The following TTLL6 variants were observed in gnomAD, a reference collection of about 807,000 sequenced individuals.
The protein encoded by TTLL6 is tubulin tyrosine ligase like 6.
Under a neutral mutation model 96.4 loss-of-function variants are expected in TTLL6, and 75 were observed. The ratio of observed to expected loss-of-function variants is 0.78; its 90% confidence interval spans 0.65 to 0.94. TTLL6 has a LOEUF of 0.94. Ranked by LOEUF, TTLL6 falls within the 40% of genes least tolerant of loss-of-function variation. The pLI, the probability that TTLL6 is intolerant of heterozygous loss-of-function variation, is 0.00. For missense variants in TTLL6, 1,030 were observed against 1,093.0 expected, an observed-to-expected ratio of 0.94 and a Z score of 0.81; for synonymous variants, 411 against 419.4, an observed-to-expected ratio of 0.98 and a Z score of 0.24.
chr17:48,802,082 GAAAGAAAGAAAGAAAGAAAGAAAGAAA>G (rs2039430798), intron 3 of TTLL6, among the ~76,000 whole-genome samples: 2 of 1,508 alleles, frequency 1.3e-3, no homozygotes, highest in African/African-American at 2.8e-3. Context: ...GAAAGAAAAA[GAAAGAAAGAAAGAAAGAAAGAAAGAAA>G]GAAAGAAAGA....
chr17:48,763,557 G>A (rs2038531140), intron 15 of TTLL6, among the ~76,000 whole-genome samples: 1 of 152,194 alleles, frequency 6.6e-6, no homozygotes, highest in Admixed American at 6.5e-5. Context: ...AGCTCTTTGG[G>A]AGGCTGAGGC....
intron 13 of TTLL6, among the ~76,000 whole-genome samples, chr17:48,781,978 T>G (rs2038995387): frequency 6.6e-6 from 1 of 152,226 alleles, no homozygotes; most frequent in Admixed American, 6.5e-5. Context: ...CCTCCAGAAC[T>G]GTAAGAAATA....
At position 48,801,331 on chromosome 17, in the gene TTLL6, T is replaced by C; in HGVS notation, c.535A>G (p.Arg179Gly). The C allele has an allele frequency of 6.4e-7, 1 of 1,551,672 alleles. No homozygotes were observed. Among genetic ancestry groups the C allele is most frequent in the East Asian group, 2.4e-5 (1 of 40,922 alleles). ...SEICRKDLLARNMSRMLKMFP... is the reference protein window; with the variant it reads ...SEICRKDLLAGNMSRMLKMFP... ...ATCTTTAACATGCGGCTCATGTTCC[T>C]GGCCAGCAAGTCCTTCCGGCAGATT... The change falls in exon 5 of 16, where the codon AGG (arginine) becomes GGG (glycine). Residue 179 changes from arginine (R) to glycine (G), a missense_variant. Coordinates refer to ENST00000393382, the MANE Select transcript of TTLL6 (RefSeq NM_001130918.3).
At chr17:48,809,390 C>T (rs543556891) in intron 1 of TTLL6, among the ~76,000 whole-genome samples, 2 of 152,314 alleles carry the variant, frequency 1.3e-5, no homozygotes, top group Admixed American at 1.3e-4. Flanking sequence ...TCCGCAACGG[C>T]TCCTATGTAC....
intron 1 of TTLL6, among the ~76,000 whole-genome samples, chr17:48,810,173 A>G (rs1342040045): frequency 4.6e-5 from 7 of 151,922 alleles, no homozygotes; most frequent in Non-Finnish European, 1.0e-4. Context: ...AAGAAAAGAA[A>G]AAAAAGGTCA....
In TTLL6 at chr17:48,790,059, C is replaced by T; in HGVS notation, c.1272G>A (p.Glu424=). The T allele has an allele frequency of 6.2e-7, 1 of 1,614,170 alleles. No homozygotes were observed. Among genetic ancestry groups the T allele is most frequent in the African/African-American group, 1.3e-5 (1 of 75,048 alleles). The change falls in exon 10 of 16, where the codon GAG becomes GAA. Residue 424 remains glutamate (E), a synonymous_variant. Coordinates refer to ENST00000393382, the MANE Select transcript of TTLL6 (RefSeq NM_001130918.3). ...TGTCATACAGCAGACCATCTTTCAC[C>T]TCTTTATCCAACCGAGAGTCGGTGG... ...SFSTDSRLDK[E]VKDGLLYDTL...
rs566703882 is a variant in TTLL6, at chr17:48,769,780, G to A, written c.2358C>T (p.Leu786=). Residue 786 remains leucine, a synonymous_variant, in exon 14 of 16, where the codon CTC becomes CTT. Transcript: ENST00000393382. ...GGTTGTAGTGAGCTGGGAAGAAGGA[G>A]AGCTTCCCACTCAGTTGAAGCTTGG... The part of the protein sequence containing the change: ...LLTKLQLSGK[L]SFFPAHYNPK... 4 of 1,614,248 alleles carry A rather than the reference G, an allele frequency of 2.5e-6. No individual in the cohort carries two copies. Among genetic ancestry groups the A allele is most frequent in the South Asian group, 1.1e-5 (1 of 91,090 alleles).
intron 1 of TTLL6, among the ~76,000 whole-genome samples, chr17:48,810,139 C>CAAA (rs59291777): frequency 3.2e-5 from 2 of 61,678 alleles, no homozygotes; most frequent in Admixed American, 1.8e-4. Context: ...AACTCTGTCT[C>CAAA]AAAAAAAAAA....
rs949838617 is a variant in TTLL6 at position 48,786,221 on chromosome 17, C to G, written c.1704G>C (p.Arg568Ser). 6.2e-7 allele frequency: 1 copy of G among 1,614,204 alleles called. No individual in the cohort carries two copies. Among genetic ancestry groups the G allele is most frequent in the African/African-American group, 1.3e-5 (1 of 75,044 alleles). Residue 568 changes from arginine to serine, a missense_variant, in exon 12 of 16, where the codon AGG (arginine) becomes AGC (serine). Coordinates refer to ENST00000393382, the MANE Select transcript of TTLL6 (RefSeq NM_001130918.3). The stretch of plus-strand genomic sequence containing the variant: ...TCTGCTGTTGTTTCTGTTGCCAGCC[C>G]CTCATGCCCTTCTTTCTCACTTGCT... ...AGEQVRKKGMRGWQQKQQQKD... is the reference protein window; with the variant it reads ...AGEQVRKKGMSGWQQKQQQKD...
chr17:48,776,447 G>C (rs1057248052), intron 13 of TTLL6, among the ~76,000 whole-genome samples: 3 of 152,144 alleles, frequency 2.0e-5, no homozygotes, highest in Non-Finnish European at 4.4e-5. Context: ...GTGACAGAGC[G>C]AGACTCTGTC....
chr17:48,774,587 C>T (rs2038834985), intron 13 of TTLL6, among the ~76,000 whole-genome samples: 1 of 151,990 alleles, frequency 6.6e-6, no homozygotes, highest in South Asian at 2.1e-4. Flanking sequence ...TATCACTAGA[C>T]TCTACAGACA....
intron 15 of TTLL6, 69 bp from the exon 16 acceptor site, chr17:48,763,042 C>T (rs1400295584): frequency 7.3e-6 from 3 of 409,870 alleles, no homozygotes; most frequent in African/African-American, 6.3e-5. Flanking sequence ...AGTCAATGAA[C>T]TCATCATCAC....
chr17:48,765,804 C>G (rs1275012625), intron 15 of TTLL6: 1 of 152,820 alleles, frequency 6.5e-6, no homozygotes, highest in African/African-American at 2.4e-5. Flanking sequence ...CTGCCTCAGC[C>G]TCCCCAGTAG....
chr17:48,772,768 A>G (rs2038774789), intron 13 of TTLL6, among the ~76,000 whole-genome samples: 1 of 151,974 alleles, frequency 6.6e-6, no homozygotes, highest in African/African-American at 2.4e-5. Context: ...GTATGCATAC[A>G]AAATTCAAAA....
chr17:48,816,262 G>A (rs1258583988), intron 1 of TTLL6, among the ~76,000 whole-genome samples: 5 of 151,776 alleles, frequency 3.3e-5, no homozygotes, highest in Admixed American at 6.6e-5. Context: ...GGGCAAAAAA[G>A]TGAGCCCCCC....
At position 48,790,063 on chromosome 17, in the gene TTLL6, T is replaced by A. The variant is rs1439687630; in HGVS notation, c.1268A>T (p.Lys423Ile). ...PSFSTDSRLDKEVKDGLLYDT... is the reference protein window; with the variant it reads ...PSFSTDSRLDIEVKDGLLYDT... ...ATACAGCAGACCATCTTTCACCTCT[T>A]TATCCAACCGAGAGTCGGTGGAGAA... The change falls in exon 10 of 16, where the codon AAA becomes ATA. Residue 423 changes from lysine (K) to isoleucine (I), a missense_variant. Physicochemically the swap from Lys to Ile is moderately radical, Grantham distance 102 (BLOSUM62 -3). Coordinates refer to ENST00000393382, the MANE Select transcript of TTLL6 (RefSeq NM_001130918.3). 1 of 1,613,986 alleles carries A rather than the reference T, an allele frequency of 6.2e-7. No individual in the cohort carries two copies. The highest frequency in any genetic ancestry group is 1.3e-5 in the African/African-American group (1 of 74,920).
In TTLL6 at chr17:48,808,152, A is replaced by G. The variant is rs181850221; in HGVS notation, c.104-3161T>C. ...CGCGCCCGGCCATTTCTAGTTTTTA[A>G]TGGCTGTATGTATTCCATTGAAAGA... On this transcript the variant is annotated intron_variant, in intron 1 of 15. Coordinates refer to ENST00000393382, the MANE Select transcript of TTLL6 (RefSeq NM_001130918.3). Among the ~76,000 whole-genome samples the G allele has an allele frequency of 6.4e-3, 970 of 152,250 alleles. 4 individuals are homozygous for G. Among genetic ancestry groups the G allele is most frequent in the Middle Eastern group, 0.014 (4 of 294 alleles).
At chr17:48,775,512 A>T (rs2038851472) in intron 13 of TTLL6, among the ~76,000 whole-genome samples, 1 of 138,960 alleles carries the variant, frequency 7.2e-6, no homozygotes, top group Admixed American at 7.3e-5. Flanking sequence ...ACAAGGTTCA[A>T]CATCCATCTA....
chr17:48,794,151 A>G (rs1023924347), intron 8 of TTLL6: 35 of 1,610,974 alleles, frequency 2.2e-5, no homozygotes, highest in Middle Eastern at 1.7e-4. Flanking sequence ...ACAGAGGAAG[A>G]GGACAGGGGA....
Sources: allele counts gnomAD v4.1 joint callset (sites outside exome capture counted in the v4.1 genomes callset), GRCh38; gene constraint gnomAD v4.1.1; transcripts MANE v1.5; gene names NCBI Gene and HGNC (gene_info 2026-07-23, HGNC 2026-07-21).